PTPRN2: variants seen among roughly 807,000 people sequenced by gnomAD.
PTPRN2 encodes the protein protein tyrosine phosphatase receptor type N2.
In PTPRN2, 74 loss-of-function variants were observed where a neutral mutation model predicts 118.8. The ratio of observed to expected loss-of-function variants is 0.62; its 90% CI spans 0.52 to 0.76. The LOEUF (loss-of-function observed/expected upper bound fraction) is 0.76. Among genes scored for constraint, PTPRN2 ranks in the 30% least tolerant of loss-of-function variants. PTPRN2 has a pLI of 0.00. For missense variants in PTPRN2, 1,481 were observed against 1,394.4 expected (o/e 1.06, Z -0.99); for synonymous variants, 641 against 608.0 (o/e 1.05, Z -0.80).
At chr7:157,657,695 AT>A (rs1795635848) in intron 13 of PTPRN2, among the ~76,000 whole-genome samples, 1 of 123,694 alleles carries the variant, frequency 8.1e-6, no homozygotes, top group Non-Finnish European at 1.7e-5. Context: ...CATCACACAT[AT>A]ACACACACAT....
At chr7:158,350,479 C>T (rs6949539) in intron 2 of PTPRN2, among the ~76,000 whole-genome samples, 4,767 of 152,328 alleles carry the variant, frequency 0.031, 285 homozygotes, top group African/African-American at 0.11. Flanking sequence ...CTGCCGTCTG[C>T]ACCCAGAATC....
intron 1 of PTPRN2, chr7:158,539,605 C>T: frequency 9.9e-6 from 2 of 201,780 alleles, no homozygotes; most frequent in East Asian, 1.7e-4. Context: ...TAAAGGGTGG[C>T]CCTTCCGAGA....
chr7:158,314,065 C>T (rs976005258), intron 3 of PTPRN2, among the ~76,000 whole-genome samples: 13 of 152,282 alleles, frequency 8.5e-5, no homozygotes, highest in Admixed American at 5.2e-4. Flanking sequence ...CAGGTGAACT[C>T]CGGCACCCTG....
chr7:158,475,595 C>T (rs983770139), intron 2 of PTPRN2, among the ~76,000 whole-genome samples: 12 of 152,122 alleles, frequency 7.9e-5, no homozygotes, highest in Admixed American at 5.9e-4. Context: ...ACACCCCAGC[C>T]GGGCACTCCA....
At chr7:158,258,462 G>A (rs1315821682) in intron 3 of PTPRN2, among the ~76,000 whole-genome samples, 1 of 152,350 alleles carries the variant, frequency 6.6e-6, no homozygotes, top group East Asian at 1.9e-4. Context: ...GACCCTGTGA[G>A]TACGCACTCC....
intron 14 of PTPRN2, among the ~76,000 whole-genome samples, chr7:157,644,817 A>G (rs1043087311): frequency 7.3e-5 from 10 of 136,472 alleles, no homozygotes; most frequent in Admixed American, 3.0e-4. Context: ...AAAAAAAAAC[A>G]AAAAACAAAA....
chr7:158,340,126 A>G (rs1261701408), intron 2 of PTPRN2, among the ~76,000 whole-genome samples: 7 of 71,950 alleles, frequency 9.7e-5, no homozygotes, highest in African/African-American at 3.5e-4. Context: ...AAGAGGTGAC[A>G]CCTGGAGACG....
intron 5 of PTPRN2, among the ~76,000 whole-genome samples, chr7:158,168,199 G>A (rs1336092788): frequency 6.6e-6 from 1 of 152,210 alleles, no homozygotes; most frequent in African/African-American, 2.4e-5. Flanking sequence ...CAGTTGGAAA[G>A]CAATACCGTG....
intron 1 of PTPRN2, among the ~76,000 whole-genome samples, chr7:158,510,448 C>CTCTCTT (rs1031881113): frequency 7.1e-4 from 1 of 1,404 alleles, no homozygotes; most frequent in Non-Finnish European, 2.0e-3. Context: ...TGTTTACTCT[C>CTCTCTT]TCTCTCTCTC....
chr7:157,758,045 CCGGTGCGGGGGACGCGGTCTCGGGACTGA>C (rs1423403362), intron 12 of PTPRN2, among the ~76,000 whole-genome samples: 7 of 152,234 alleles, frequency 4.6e-5, no homozygotes, highest in Non-Finnish European at 4.4e-5. Context: ...GACAGCCTTG[CCGGTGCGGGGGACGCGGTCTCGGGACTGA>C]CGGCGCAGGG....
intron 12 of PTPRN2, among the ~76,000 whole-genome samples, chr7:157,725,224 C>T (rs1016897946): frequency 5.6e-5 from 8 of 141,754 alleles, no homozygotes. Flanking sequence ...AGACCCTCGC[C>T]TCCCAGGAGA....
In PTPRN2 at chr7:157,784,412, G is replaced by C. The variant is rs562171727; in HGVS notation, c.1789-101475C>G. On this transcript the variant is annotated intron_variant, in intron 12 of 22. Transcript: ENST00000389418. The surrounding 1 kb of genome is among the most constrained non-coding windows in gnomAD (Gnocchi z 4.6). The stretch of plus-strand genomic sequence containing the variant: ...GAGGAGGTGCTCCTAGCAAGATGCC[G>C]ACCTGCAGCAGCGCCCACAAGGCTC... Among the ~76,000 whole-genome samples, 2 of 152,178 alleles carry C rather than the reference G, an allele frequency of 1.3e-5. No individual in the cohort carries two copies. The highest frequency in any genetic ancestry group is 2.9e-5 in the Non-Finnish European group (2 of 68,038).
chr7:157,975,584 C>A (rs1259279932), intron 11 of PTPRN2, among the ~76,000 whole-genome samples: 1 of 152,148 alleles, frequency 6.6e-6, no homozygotes, highest in African/African-American at 2.4e-5. Flanking sequence ...CCGAACTGTG[C>A]TTTTCAGTGA....
At chr7:157,608,214 C>T (rs961150637) in intron 15 of PTPRN2, among the ~76,000 whole-genome samples, 8 of 152,120 alleles carry the variant, frequency 5.3e-5, no homozygotes, top group Admixed American at 4.6e-4. Context: ...ACTACAGGCA[C>T]GCACCACTGC....
chr7:158,061,641 T>C (rs963168176), intron 11 of PTPRN2, among the ~76,000 whole-genome samples: 3 of 152,130 alleles, frequency 2.0e-5, no homozygotes, highest in Admixed American at 1.3e-4. Context: ...GGCTCCAGGA[T>C]TGTCATTTCA....
At chr7:157,633,853 C>T (rs369183880) in intron 14 of PTPRN2, among the ~76,000 whole-genome samples, 2 of 152,218 alleles carry the variant, frequency 1.3e-5, no homozygotes, top group Non-Finnish European at 2.9e-5. Context: ...TTTTAAGAGC[C>T]ACGGGAAGCT....
chr7:157,968,726 T>C (rs1802113335), intron 11 of PTPRN2, among the ~76,000 whole-genome samples: 1 of 152,158 alleles, frequency 6.6e-6, no homozygotes, highest in Non-Finnish European at 1.5e-5. Flanking sequence ...AGGGTTTGTG[T>C]TTTGTTTTTT....
At chr7:157,873,824 G>T (rs549056282) in intron 12 of PTPRN2, among the ~76,000 whole-genome samples, 1 of 152,254 alleles carries the variant, frequency 6.6e-6, no homozygotes, top group South Asian at 2.1e-4. Context: ...GGTCAGCAGG[G>T]GGCACCTGGG....
chr7:157,795,748 C>CGAGGCGG (rs1203998224), intron 12 of PTPRN2, among the ~76,000 whole-genome samples: 6 of 152,306 alleles, frequency 3.9e-5, no homozygotes, highest in African/African-American at 1.2e-4. Context: ...AGCCTGTGGA[C>CGAGGCGG]GAGGCGGGAG....
Sources: gnomAD v4.1 joint callset for allele counts (sites outside exome capture counted in the v4.1 genomes callset) on GRCh38, gnomAD v4.1.1 for gene constraint, Gnocchi (gnomAD v3.1) non-coding constraint, MANE v1.5 for transcripts, NCBI Gene and HGNC (gene_info 2026-07-23, HGNC 2026-07-21) for gene names.